The following CSNK1G1 variants were observed in gnomAD, a reference collection of about 807,000 sequenced individuals.
CSNK1G1 encodes the protein casein kinase 1 gamma 1, also known as casein kinase I isoform gamma-1.
Under a neutral mutation model 59.6 loss-of-function variants are expected in CSNK1G1, and 22 were observed. The observed-to-expected ratio is 0.37, with a 90% CI of 0.26 to 0.53. CSNK1G1 has a LOEUF of 0.53. Ranked by LOEUF, CSNK1G1 falls within the 20% of genes least tolerant of loss-of-function variation. The probability of loss-of-function intolerance (pLI) is 0.89; values close to 1 mark genes in which losing one functional copy is unlikely to be tolerated. For synonymous variants in CSNK1G1, 179 were observed against 177.1 expected, an observed-to-expected ratio of 1.01 and a Z score of -0.08; for missense variants, 384 against 519.5, an observed-to-expected ratio of 0.74 and a Z score of 2.54.
intron 1 of CSNK1G1, among the ~76,000 whole-genome samples, chr15:64,307,734 T>C (rs1407917940): frequency 6.6e-6 from 1 of 152,256 alleles, no homozygotes; most frequent in Non-Finnish European, 1.5e-5. Flanking sequence ...TCACCCAGGC[T>C]GGAGTGCAGT....
chr15:64,201,706 A>ATGTGTGTGTGTGTGTATG (rs1491143374), intron 10 of CSNK1G1, among the ~76,000 whole-genome samples: 74 of 126,472 alleles, frequency 5.9e-4, no homozygotes, highest in Non-Finnish European at 1.0e-3. Flanking sequence ...TCCATTGGAC[A>ATGTGTGTGTGTGTGTATG]TGTGTGTGTG....
chr15:64,184,775 C>G (rs1024829275), intron 10 of CSNK1G1, among the ~76,000 whole-genome samples: 4 of 151,510 alleles, frequency 2.6e-5, no homozygotes, highest in Admixed American at 2.6e-4. Context: ...CTATACCAAA[C>G]AAGACCAATT....
rs748899610 is a variant in CSNK1G1, at chr15:64,169,155, G to A, written c.*2776C>T. 3.9e-5 allele frequency: 6 copies of A among 152,600 alleles called. No homozygotes were observed. Among genetic ancestry groups the A allele is most frequent in the Non-Finnish European group, 7.3e-5 (5 of 68,058 alleles). 9.5% of individuals were successfully genotyped at this position (152,600 alleles called of 1,614,324 possible). On this transcript the variant is annotated 3_prime_UTR_variant, in exon 12 of 12. Coordinates refer to ENST00000303052, the MANE Select transcript of CSNK1G1 (RefSeq NM_022048.5). ...TTGTGTGTGTGTGTGTGGAAGCAGG[G>A]TGAGGGGCTGAAGAGAGGCACTCAG...
chr15:64,268,176 G>A (rs1430221436), intron 2 of CSNK1G1, among the ~76,000 whole-genome samples: 2 of 152,124 alleles, frequency 1.3e-5, no homozygotes, highest in African/African-American at 4.8e-5. Flanking sequence ...GTCATTTGTG[G>A]CAAAGGAATA....
intron 2 of CSNK1G1, among the ~76,000 whole-genome samples, chr15:64,288,431 C>A (rs1053513644): frequency 6.6e-6 from 1 of 151,482 alleles, no homozygotes; most frequent in Non-Finnish European, 1.5e-5. Flanking sequence ...GGTATCTAGA[C>A]GACATGGATA....
rs1448615668 is a variant in CSNK1G1, at chr15:64,207,608, C to G, written c.680-14G>C. The G allele has an allele frequency of 1.5e-5, 24 of 1,589,836 alleles. No individual in the cohort carries two copies. The highest frequency in any genetic ancestry group is 2.1e-5 in the Non-Finnish European group (24 of 1,157,972). ...TCCGGCTTTGCTCTAAAAGGGAAGACAGATCACACATTATGTTTGCAGTTA... is the reference window on the plus strand; with the variant it reads ...TCCGGCTTTGCTCTAAAAGGGAAGAGAGATCACACATTATGTTTGCAGTTA... On this transcript the variant is annotated splice_polypyrimidine_tract_variant and intron_variant, in intron 6 of 11. Transcript: ENST00000303052.
intron 1 of CSNK1G1, among the ~76,000 whole-genome samples, chr15:64,303,941 A>C (rs968751498): frequency 6.6e-6 from 1 of 150,606 alleles, no homozygotes; most frequent in East Asian, 1.9e-4. Flanking sequence ...AAAGCCAAAA[A>C]TCTCACTCAG....
At chr15:64,265,677 A>C (rs1596185043) in intron 2 of CSNK1G1, 4 of 351,418 alleles carry the variant, frequency 1.1e-5, no homozygotes, top group South Asian at 4.5e-5. Flanking sequence ...AAAAAAAAAA[A>C]CCTAGGAATA....
At chr15:64,219,582 C>T (rs553967967) in intron 4 of CSNK1G1, among the ~76,000 whole-genome samples, 353 of 152,110 alleles carry the variant, frequency 2.3e-3, no homozygotes, top group Admixed American at 5.5e-3. Flanking sequence ...CCTCAGCCTC[C>T]CAAACAGCTG....
chr15:64,258,322 G>A (rs1376469927), intron 3 of CSNK1G1, among the ~76,000 whole-genome samples: 2 of 151,622 alleles, frequency 1.3e-5, no homozygotes, highest in African/African-American at 4.9e-5. Flanking sequence ...GGCGGAGGTT[G>A]CAGTGAGCCA....
chr15:64,186,437 A>G lies in CSNK1G1; in HGVS notation c.1108-5983T>C, dbSNP rs1355918046. Reference sequence around the variant, plus strand: ...CTACTCTCTTGTTCTATTAATTCTGATAACACACATCCTCATGTGGCTTCA... The same window carrying G: ...CTACTCTCTTGTTCTATTAATTCTGGTAACACACATCCTCATGTGGCTTCA... On this transcript the variant is annotated intron_variant, in intron 10 of 11. Coordinates refer to ENST00000303052, the MANE Select transcript of CSNK1G1 (RefSeq NM_022048.5). Among the ~76,000 whole-genome samples the G allele has an allele frequency of 2.0e-5, 3 of 152,200 alleles. 1 individual carries two copies. The highest frequency in any genetic ancestry group is 7.2e-5 in the African/African-American group (3 of 41,450).
At chr15:64,317,083 T>A (rs1488592275) in intron 1 of CSNK1G1, 1 of 152,202 alleles carries the variant, frequency 6.6e-6, no homozygotes, top group Non-Finnish European at 1.5e-5. Flanking sequence ...GTCACAGCCT[T>A]TAGAGACATG....
chr15:64,178,654 A>G (rs552709735), intron 11 of CSNK1G1, among the ~76,000 whole-genome samples: 78 of 151,710 alleles, frequency 5.1e-4, no homozygotes, highest in African/African-American at 1.8e-3. Context: ...GCTAATTTTT[A>G]TATTTTTAGT....
chr15:64,232,148 G>T (rs1455775229), intron 4 of CSNK1G1, among the ~76,000 whole-genome samples: 1 of 152,194 alleles, frequency 6.6e-6, no homozygotes, highest in Non-Finnish European at 1.5e-5. Flanking sequence ...GTGTTAGACT[G>T]CTGAAAGCAC....
chr15:64,185,606 G>A (rs2081881652), intron 10 of CSNK1G1, among the ~76,000 whole-genome samples: 2 of 152,118 alleles, frequency 1.3e-5, no homozygotes, highest in South Asian at 2.1e-4. Context: ...GCTCACATCT[G>A]TAATCCCAGG....
At chr15:64,318,321 C>T (rs1427718540) in intron 1 of CSNK1G1, among the ~76,000 whole-genome samples, 2 of 151,996 alleles carry the variant, frequency 1.3e-5, no homozygotes, top group East Asian at 1.9e-4. Context: ...AAAATAGCTG[C>T]AAATGATTTT....
rs183920978 is a variant in CSNK1G1 at position 64,351,771 on chromosome 15, C to A, written c.-225+4217G>T. ...GCGCACACCTGTAATCCCAGCTAAT[C>A]GGGAGACTGAGGCAGGAGGGGCGCT... On this transcript the variant is annotated intron_variant, in intron 1 of 11. Transcript: ENST00000303052. Among the ~76,000 whole-genome samples, 19 of 152,074 alleles carry A rather than the reference C, an allele frequency of 1.2e-4. 1 individual carries two copies. In the East Asian group the frequency reaches 3.3e-3, roughly 26 times the overall value.
intron 1 of CSNK1G1, among the ~76,000 whole-genome samples, chr15:64,319,113 A>G (rs1003599387): frequency 2.0e-5 from 3 of 151,942 alleles, no homozygotes; most frequent in Non-Finnish European, 4.4e-5. Flanking sequence ...TCAGCCTCCC[A>G]AAGTGCTGGA....
intron 2 of CSNK1G1, among the ~76,000 whole-genome samples, chr15:64,294,744 C>CTACAAAAAA (rs1306972032): frequency 6.6e-6 from 1 of 150,798 alleles, no homozygotes; most frequent in Non-Finnish European, 1.5e-5. Context: ...AACCCCGTCT[C>CTACAAAAAA]TACAAAAAAT....
Sources: allele counts gnomAD v4.1 joint callset (sites outside exome capture counted in the v4.1 genomes callset), GRCh38; gene constraint gnomAD v4.1.1; transcripts MANE v1.5; gene names NCBI Gene and HGNC (gene_info 2026-07-23, HGNC 2026-07-21).